Variants in POLG observed in about 807,000 individuals in gnomAD.
The protein encoded by POLG is DNA polymerase subunit gamma-1.
A neutral mutation model predicts 155.4 loss-of-function variants in POLG; 110 were observed. The ratio of observed to expected loss-of-function variants is 0.71; its 90% CI spans 0.61 to 0.83. POLG has a LOEUF of 0.83. POLG is among the 40% of genes least tolerant of loss of function. POLG has a pLI of 0.00. For missense variants in POLG, 1,685 were observed against 1,627.5 expected (o/e 1.04, Z -0.61); for synonymous variants, 701 against 631.5 (o/e 1.11, Z -1.65).
At chr15:89,334,543 G>A (rs1031935553) in intron 1 of POLG, 130 bp downstream of exon 1, 2 of 152,050 alleles carry the variant, frequency 1.3e-5, no homozygotes, top group African/African-American at 2.4e-5. Flanking sequence ...GCCTGCGCCC[G>A]GCAGAGGCGC....
chr15:89,319,606 G>A (rs1364154604), intron 18 of POLG, among the ~76,000 whole-genome samples: 5 of 152,152 alleles, frequency 3.3e-5, no homozygotes, highest in African/African-American at 1.2e-4. Flanking sequence ...GCCCAATAAA[G>A]GACAAAGACT....
intron 6 of POLG, among the ~76,000 whole-genome samples, chr15:89,327,836 T>A (rs2055542690): frequency 6.6e-6 from 1 of 151,996 alleles, no homozygotes; most frequent in Non-Finnish European, 1.5e-5. Context: ...CTACTCAACG[T>A]GAAGGATAGA....
chr15:89,325,354 T>G (rs2055500423), intron 10 of POLG, 96 bp downstream of exon 10: 1 of 812,888 alleles, frequency 1.2e-6, no homozygotes, highest in African/African-American at 1.7e-5. Context: ...GAACCCAGAC[T>G]CTTGAACCCA....
chr15:89,329,397 G>A (rs180885249), intron 3 of POLG, among the ~76,000 whole-genome samples: 5 of 152,248 alleles, frequency 3.3e-5, no homozygotes, highest in Non-Finnish European at 5.9e-5. Flanking sequence ...ATAGCTCTGA[G>A]CAACGTAGAT....
chr15:89,333,545 C>A lies in POLG; in HGVS notation c.210G>T (p.Arg70=), dbSNP rs751225754. The A allele has an allele frequency of 4.3e-6, 7 of 1,612,524 alleles. No individual in the cohort carries two copies. The highest frequency in any genetic ancestry group is 1.7e-4 in the Middle Eastern group (1 of 6,060). ...GCATCTGGATGTCCAATGGGTTGTG[C>A]CGCAGCTGCCCGCCCTCCGAGGATA... The part of the protein sequence containing the change: ...QVLSSEGGQL[R]HNPLDIQMLS... The change falls in exon 2 of 23, where the codon CGG becomes CGT. Residue 70 remains arginine, a synonymous_variant. Transcript: ENST00000268124.
chr15:89,320,150 C>A (rs924517340), intron 18 of POLG, among the ~76,000 whole-genome samples: 1 of 152,154 alleles, frequency 6.6e-6, no homozygotes, highest in Non-Finnish European at 1.5e-5. Flanking sequence ...TAGTTGTTGA[C>A]GAGAAAGTGA....
chr15:89,322,953 G>A, intron 13 of POLG, 51 bp from the exon 14 acceptor site: 2 of 1,586,380 alleles, frequency 1.3e-6, no homozygotes, highest in South Asian at 1.1e-5. Context: ...AGACCCCTGG[G>A]TGGGGAACCA....
At chr15:89,321,661 T>C (rs1299877435) in intron 16 of POLG, 75 bp downstream of exon 16, 7 of 1,064,362 alleles carry the variant, frequency 6.6e-6, no homozygotes, top group Non-Finnish European at 1.0e-5. Context: ...ACTAAATACC[T>C]AAAGGCCCTC....
At chr15:89,332,270 G>C (rs1220950410) in intron 2 of POLG, 1 of 151,968 alleles carries the variant, frequency 6.6e-6, no homozygotes, top group South Asian at 2.1e-4. Flanking sequence ...TTAACATTTC[G>C]CAGCTTTCTT....
At chr15:89,331,220 G>T (rs1211732537) in intron 2 of POLG, among the ~76,000 whole-genome samples, 1 of 152,126 alleles carries the variant, frequency 6.6e-6, no homozygotes, top group Admixed American at 6.5e-5. Flanking sequence ...GCAAAAAGAG[G>T]TTCCTAGTTT....
rs1206436384 is a variant in POLG, at chr15:89,325,099, A to AGT, written c.1949+350_1949+351insAC. Among the ~76,000 whole-genome samples, 12 of 80,384 alleles carry AGT rather than the reference A, an allele frequency of 1.5e-4. 1 individual carries two copies. Among genetic ancestry groups the AGT allele is most frequent in the African/African-American group, 7.4e-4 (8 of 10,840 alleles). The allele number at this position is 80,384 out of a possible 152,430, so 52.7% of individuals were successfully genotyped here. On this transcript the variant is annotated intron_variant, in intron 10 of 22. Transcript: ENST00000268124. ...GAGTGAGTGAGAGAGTGAGTGAGTG[A>AGT]GAGAGTGAGAGAGAGTGAGTGAGTG...
intron 10 of POLG, among the ~76,000 whole-genome samples, chr15:89,324,882 C>T (rs1342513912): frequency 6.6e-6 from 1 of 152,220 alleles, no homozygotes; most frequent in Non-Finnish European, 1.5e-5. Flanking sequence ...CTACTTGTAA[C>T]AGCCCTCCGC....
At chr15:89,323,313 G>A (rs985780560) in intron 13 of POLG, 91 bp downstream of exon 13, 28 of 791,038 alleles carry the variant, frequency 3.5e-5, no homozygotes, top group Non-Finnish European at 5.8e-5. Flanking sequence ...CCACAAAAAG[G>A]AAAGTCTCAG....
In POLG at chr15:89,333,630, C is replaced by G; in HGVS notation, c.125G>C (p.Arg42Pro). The change falls in exon 2 of 23, where the codon CGG (arginine) becomes CCG (proline). Residue 42 changes from arginine to proline, a missense_variant. Transcript: ENST00000268124. Reference protein sequence around the residue: ...ASDPSDGQRRRQQQQQQQQQQ... With the variant: ...ASDPSDGQRRPQQQQQQQQQQ... ...CTGCTGCTGCTGCTGCTGCTGCTGCCGCCGCCGCTGCCCGTCGCTGGGGTC... is the reference window on the plus strand; with the variant it reads ...CTGCTGCTGCTGCTGCTGCTGCTGCGGCCGCCGCTGCCCGTCGCTGGGGTC... The G allele has an allele frequency of 3.5e-6, 5 of 1,423,728 alleles. No homozygotes were observed. The highest frequency in any genetic ancestry group is 4.8e-6 in the Non-Finnish European group (5 of 1,034,850). The allele number at this position is 1,423,728 out of a possible 1,614,324, so 88.2% of individuals were successfully genotyped here. A position where few individuals can be genotyped will look rare whatever the true frequency, so the allele number is the denominator to read the frequency against.
rs748823785 is a variant in POLG at position 89,317,438 on chromosome 15, G to T, written c.3581C>A (p.Thr1194Asn). The change falls in exon 22 of 23, where the codon ACC (threonine) becomes AAC (asparagine). Residue 1194 changes from threonine (T) to asparagine (N), a missense_variant. Thr to Asn is a moderately conservative substitution (Grantham distance 65, BLOSUM62 0). Around this residue, in one of 3 missense-constraint regions of POLG, gnomAD observed 470 missense variants for 439.9 expected, o/e 1.07. Transcript: ENST00000268124. ...GTTGGAAGGGGTTTTACAATCCATG[G>T]TCACTTCCTTCCTGAGGCACCGGTC... ...DIDRCLRKEV[T>N]MDCKTPSNPT... 6.2e-7 allele frequency: 1 copy of T among 1,613,850 alleles called. No individual in the cohort carries two copies. Among genetic ancestry groups the T allele is most frequent in the African/African-American group, 1.3e-5 (1 of 74,846 alleles).
At chr15:89,317,007 A>C in intron 22 of POLG, 180 bp from the exon 23 acceptor site, 1 of 625,308 alleles carries the variant, frequency 1.6e-6, no homozygotes. Context: ...AGTGTGTCTT[A>C]GATATATTTT....
intron 2 of POLG, 51 bp downstream of exon 2, chr15:89,333,045 T>C (rs2055615055): frequency 6.7e-7 from 1 of 1,499,222 alleles, no homozygotes; most frequent in Non-Finnish European, 8.9e-7. Context: ...AAACAAACTA[T>C]TAAGCTGGGC....
At chr15:89,318,869 A>T in intron 20 of POLG, 62 bp downstream of exon 20, 1 of 1,590,676 alleles carries the variant, frequency 6.3e-7, no homozygotes, top group South Asian at 1.1e-5. Flanking sequence ...TAAGGTCCAC[A>T]GGGAGCTCTG....
Position 89,323,573 on chromosome 15 carries a change from G to A in POLG, c.2158-62C>T, listed in dbSNP as rs3176200. 9.1e-4 allele frequency: 1,005 copies of A among 1,104,964 alleles called. 13 individuals carry two copies. The East Asian group carries it at 0.022, about 24-fold the overall frequency. 68.4% of individuals were successfully genotyped at this position (1,104,964 alleles called of 1,614,324 possible). On this transcript the variant is annotated intron_variant, in intron 12 of 22. Transcript: ENST00000268124. ...AGCACCTGCATTCAGCAAGGGCCATGGGGTAGGGGGTGGGAAAAGGGCCTG... is the reference window on the plus strand; with the variant it reads ...AGCACCTGCATTCAGCAAGGGCCATAGGGTAGGGGGTGGGAAAAGGGCCTG...
Sources: gnomAD v4.1 joint callset for allele counts (sites outside exome capture counted in the v4.1 genomes callset) on GRCh38, gnomAD v4.1.1 for gene constraint, gnomAD v4.1.1 regional missense constraint, MANE v1.5 for transcripts, NCBI Gene and HGNC (gene_info 2026-07-23, HGNC 2026-07-21) for gene names.